Variants in IQCH observed in about 807,000 individuals in gnomAD.
The protein encoded by IQCH is IQ domain-containing protein H.
A neutral mutation model predicts 117.0 loss-of-function variants in IQCH; 98 were observed. The ratio of observed to expected loss-of-function variants is 0.84; its 90% CI spans 0.71 to 0.99. The LOEUF (loss-of-function observed/expected upper bound fraction) is 0.99, where lower values mean the gene tolerates loss of function less well. Among genes scored for constraint, IQCH ranks in the 50% least tolerant of loss-of-function variants. The pLI is 0.00. For missense variants in IQCH, 1,102 were observed against 1,243.8 expected (o/e 0.89, Z 1.72); for synonymous variants, 412 against 448.2 (o/e 0.92, Z 1.02).
intron 12 of IQCH, among the ~76,000 whole-genome samples, chr15:67,389,569 T>C (rs6494654): frequency 0.44 from 67,066 of 151,844 alleles, 15,873 homozygotes; most frequent in Non-Finnish European, 0.54. Flanking sequence ...GGGAAATTCA[T>C]GGAATGATAA....
chr15:67,347,840 GAT>G (rs1263443566), intron 6 of IQCH, among the ~76,000 whole-genome samples: 8 of 110,244 alleles, frequency 7.3e-5, no homozygotes, highest in Non-Finnish European at 1.5e-4. Context: ...TAGATATATA[GAT>G]ATTTTTATAT....
In IQCH at chr15:67,342,574, C is replaced by T. The variant is rs1969220031; in HGVS notation, c.509-1489C>T. Among the ~76,000 whole-genome samples the T allele has an allele frequency of 6.6e-6, 1 of 152,020 alleles. No individual in the cohort carries two copies. The highest frequency in any genetic ancestry group is 2.4e-5 in the African/African-American group (1 of 41,384). On this transcript the variant is annotated intron_variant, in intron 5 of 20. Transcript: ENST00000335894. The surrounding 1 kb of genome is among the most constrained non-coding windows in gnomAD (Gnocchi z 4.7). ...AAATTATAAGGAGACCTGTTTTTCA[C>T]ATCTGCAAAACAGAGTTCTTGGAAA...
intron 18 of IQCH, among the ~76,000 whole-genome samples, chr15:67,477,185 C>T (rs984107950): frequency 6.6e-6 from 1 of 150,920 alleles, no homozygotes; most frequent in Admixed American, 6.6e-5. Context: ...CGAGTAGCTG[C>T]GATTACGGGC....
chr15:67,341,517 C>G (rs1185817790), intron 5 of IQCH, among the ~76,000 whole-genome samples: 2 of 152,122 alleles, frequency 1.3e-5, no homozygotes, highest in Non-Finnish European at 2.9e-5. Context: ...AAACAAGAAA[C>G]TTTAAATTAA....
At chr15:67,316,042 G>A (rs1212498749) in intron 4 of IQCH, among the ~76,000 whole-genome samples, 1 of 152,152 alleles carries the variant, frequency 6.6e-6, no homozygotes, top group African/African-American at 2.4e-5. Flanking sequence ...CTTTCTCCTT[G>A]TGTAGCTGGT....
chr15:67,422,735 G>A lies in IQCH; in HGVS notation c.2505+1158G>A, dbSNP rs556830964. On this transcript the variant is annotated intron_variant, in intron 16 of 20. Transcript: ENST00000335894. The surrounding 1 kb of genome is among the most constrained non-coding windows in gnomAD (Gnocchi z 4.7). ...TATGGTGCTGAGATATACTATTCAGGATAAATCATCTTTAACCTTTTTCAC... is the reference window on the plus strand; with the variant it reads ...TATGGTGCTGAGATATACTATTCAGAATAAATCATCTTTAACCTTTTTCAC... 6.6e-6 allele frequency among the ~76,000 whole-genome samples: 1 copy of A among 152,108 alleles called. No homozygotes were observed. Among genetic ancestry groups the A allele is most frequent in the East Asian group, 1.9e-4 (1 of 5,194 alleles).
chr15:67,469,425 G>C (rs773611786), intron 17 of IQCH, among the ~76,000 whole-genome samples: 8 of 152,168 alleles, frequency 5.3e-5, no homozygotes, highest in Non-Finnish European at 8.8e-5. Flanking sequence ...TCTCCTGTAC[G>C]GGGACACAGG....
chr15:67,349,127 A>G (rs1567116955), intron 6 of IQCH, among the ~76,000 whole-genome samples: 2 of 152,260 alleles, frequency 1.3e-5, no homozygotes, highest in Non-Finnish European at 2.9e-5. Flanking sequence ...GGTTTATAAA[A>G]TTAAATATAC....
Position 67,407,209 on chromosome 15 carries a change from G to A in IQCH, c.2097+6904G>A, listed in dbSNP as rs1286338259. 2 of 152,112 alleles carry A rather than the reference G, an allele frequency of 1.3e-5. No individual in the cohort carries two copies. The highest frequency in any genetic ancestry group is 2.9e-5 in the Non-Finnish European group (2 of 68,010). 9.4% of individuals were successfully genotyped at this position (152,112 alleles called of 1,614,324 possible). ...TCTTATCATTTAGAAATATAAAACA[G>A]TTCCATTTATTTGAACTTTCTATGA... is the stretch of plus-strand genomic sequence containing the variant. On this transcript the variant is annotated intron_variant, in intron 14 of 20. Coordinates refer to ENST00000335894, the MANE Select transcript of IQCH (RefSeq NM_001031715.3). This position sits in a 1 kb window ranked among gnomAD's most constrained non-coding sequence, Gnocchi z 5.3.
intron 8 of IQCH, among the ~76,000 whole-genome samples, chr15:67,361,372 A>G (rs192711238): frequency 6.6e-5 from 10 of 152,340 alleles, no homozygotes; most frequent in East Asian, 3.9e-4. Context: ...TTTCTGTGCA[A>G]TAGGCACTAT....
At chr15:67,495,817 T>C (rs188741194) in intron 20 of IQCH, among the ~76,000 whole-genome samples, 1 of 152,342 alleles carries the variant, frequency 6.6e-6, no homozygotes, top group Admixed American at 6.5e-5. Context: ...CTGATATGAA[T>C]GTTTGTTTTC....
At chr15:67,371,021 C>T (rs8029231) in intron 8 of IQCH, among the ~76,000 whole-genome samples, 48 of 151,912 alleles carry the variant, frequency 3.2e-4, no homozygotes, top group African/African-American at 1.1e-3. Flanking sequence ...GTAATAATAA[C>T]CCCACAGTTT....
At chr15:67,278,043 C>A (rs1443106071) in intron 3 of IQCH, among the ~76,000 whole-genome samples, 1 of 152,122 alleles carries the variant, frequency 6.6e-6, no homozygotes, top group African/African-American at 2.4e-5. Context: ...GGTCTTTGCC[C>A]TGGGCTATTA....
rs558317058 is a variant in IQCH, at chr15:67,357,721, A to G, written c.714+300A>G. On this transcript the variant is annotated intron_variant, in intron 7 of 20. Coordinates refer to ENST00000335894, the MANE Select transcript of IQCH (RefSeq NM_001031715.3). ...GTCCAGTAGCTATTGCTTTGTATCC[A>G]AATTTGTATGGTATAGGATGTCTTA... 4.6e-5 allele frequency among the ~76,000 whole-genome samples: 7 copies of G among 152,326 alleles called. No individual in the cohort carries two copies. In the East Asian group the frequency reaches 1.3e-3, roughly 29 times the overall value.
chr15:67,348,355 T>TCA (rs56134528), intron 6 of IQCH, among the ~76,000 whole-genome samples: 129,926 of 147,760 alleles, frequency 0.88, 57,672 homozygotes, highest in Non-Finnish European at 0.95. Flanking sequence ...TCGCAAGCCA[T>TCA]CACACACACA....
rs538616318 is a variant in IQCH, at chr15:67,479,812, C to T, written c.2799+3994C>T. On this transcript the variant is annotated intron_variant, in intron 18 of 20. Transcript: ENST00000335894. This position sits in a 1 kb window ranked among gnomAD's most constrained non-coding sequence, Gnocchi z 4.6. ...AATCCTCAAAAGTCCTTATTCTCAGCACTGTTTTCCCATTATGATCACAGA... is the reference window on the plus strand; with the variant it reads ...AATCCTCAAAAGTCCTTATTCTCAGTACTGTTTTCCCATTATGATCACAGA... Among the ~76,000 whole-genome samples the T allele has an allele frequency of 6.6e-6, 1 of 152,318 alleles. No individual in the cohort carries two copies. Among genetic ancestry groups the T allele is most frequent in the East Asian group, 1.9e-4 (1 of 5,190 alleles).
chr15:67,499,761 A>G (rs2083929299), intron 20 of IQCH, among the ~76,000 whole-genome samples: 1 of 152,194 alleles, frequency 6.6e-6, no homozygotes, highest in Non-Finnish European at 1.5e-5. Flanking sequence ...TATTTTATAT[A>G]ATGGGATATT....
In IQCH at chr15:67,475,886, A is replaced by G. The variant is rs907667669; in HGVS notation, c.2799+68A>G. On this transcript the variant is annotated intron_variant, in intron 18 of 20. Coordinates refer to ENST00000335894, the MANE Select transcript of IQCH (RefSeq NM_001031715.3). This position sits in a 1 kb window ranked among gnomAD's most constrained non-coding sequence, Gnocchi z 5.7. ...CTGTGGGTGATCTAGGTAGCTAATA[A>G]TTTGGTGCCCCTTCAGATAGATATT... 4 of 1,387,774 alleles carry G rather than the reference A, an allele frequency of 2.9e-6. No homozygotes were observed. In the African/African-American group the frequency reaches 5.7e-5, roughly 20 times the overall value. 86.0% of individuals were successfully genotyped at this position (1,387,774 alleles called of 1,614,324 possible). A position where few individuals can be genotyped will look rare whatever the true frequency, so the allele number is the denominator to read the frequency against.
At chr15:67,306,961 C>A in intron 4 of IQCH, 1 of 1,391,364 alleles carries the variant, frequency 7.2e-7, no homozygotes, top group Non-Finnish European at 9.4e-7. Flanking sequence ...TTGATTTATT[C>A]CTTTTAAATA....
Sources: gnomAD v4.1 joint callset for allele counts (sites outside exome capture counted in the v4.1 genomes callset) on GRCh38, gnomAD v4.1.1 for gene constraint, Gnocchi (gnomAD v3.1) non-coding constraint, MANE v1.5 for transcripts, NCBI Gene and HGNC (gene_info 2026-07-23, HGNC 2026-07-21) for gene names.